Variants in HDAC4 observed in about 807,000 individuals in gnomAD.
HDAC4 encodes the protein histone deacetylase 4.
Under a neutral mutation model 135.1 loss-of-function variants are expected in HDAC4, and 16 were observed. The observed-to-expected ratio is 0.12, with a 90% CI of 0.08 to 0.18. The LOEUF (loss-of-function observed/expected upper bound fraction) is 0.18, where lower values mean the gene tolerates loss of function less well. Ranked by LOEUF, HDAC4 falls within the 10% of genes least tolerant of loss-of-function variation. HDAC4 has a pLI of 1.00. For synonymous variants in HDAC4, 685 were observed against 653.4 expected (o/e 1.05, Z -0.74); for missense variants, 1,143 against 1,511.8 (o/e 0.76, Z 4.05).
intron 3 of HDAC4, among the ~76,000 whole-genome samples, chr2:239,229,823 T>C (rs2047438194): frequency 6.6e-6 from 1 of 152,152 alleles, no homozygotes. Context: ...AGAGAATAGA[T>C]GGTAAATGTC....
intron 2 of HDAC4, among the ~76,000 whole-genome samples, chr2:239,237,972 T>C (rs574707597): frequency 6.6e-6 from 1 of 152,110 alleles, no homozygotes; most frequent in Non-Finnish European, 1.5e-5. Flanking sequence ...CTTCCCTGGG[T>C]CAGGAGAAAG....
In HDAC4 at chr2:239,144,754, C is replaced by CA. The variant is rs1293181585; in HGVS notation, c.734-41dup. The CA allele has an allele frequency of 1.9e-6, 3 of 1,607,614 alleles. No individual in the cohort carries two copies. In the South Asian group the frequency reaches 3.3e-5, roughly 18 times the overall value. On this transcript the variant is annotated intron_variant, in intron 7 of 26. Transcript: ENST00000543185. ...GATGTCATTACAGCCAGGCAGACACCACTGGCTCAAGGTTATCCTGTTGGT... is the reference window on the plus strand; with the variant it reads ...GATGTCATTACAGCCAGGCAGACACCAACTGGCTCAAGGTTATCCTGTTGGT...
At chr2:239,367,919 A>C (rs1258946518) in intron 1 of HDAC4, among the ~76,000 whole-genome samples, 4 of 152,020 alleles carry the variant, frequency 2.6e-5, no homozygotes, top group African/African-American at 7.3e-5. Context: ...CGGAGGTGGC[A>C]GTGAGCCGAG....
intron 3 of HDAC4, among the ~76,000 whole-genome samples, chr2:239,224,717 G>A (rs1275057969): frequency 6.6e-6 from 1 of 152,166 alleles, no homozygotes; most frequent in Admixed American, 6.5e-5. Flanking sequence ...CATATGCCAA[G>A]GGCAGGGGAT....
intron 24 of HDAC4, among the ~76,000 whole-genome samples, chr2:239,058,720 C>A (rs2106467508): frequency 6.6e-6 from 1 of 152,298 alleles, no homozygotes; most frequent in Non-Finnish European, 1.5e-5. Context: ...TTTAAAATGT[C>A]TAAGTAAAAA....
chr2:239,048,905 G>A lies in HDAC4; in HGVS notation c.*4192C>T, dbSNP rs988883136. 3.3e-5 allele frequency: 5 copies of A among 152,322 alleles called. No individual in the cohort carries two copies. The highest frequency in any genetic ancestry group is 1.3e-4 in the Admixed American group (2 of 15,306). The allele number at this position is 152,322 out of a possible 1,614,324, so 9.4% of individuals were successfully genotyped here. On this transcript the variant is annotated 3_prime_UTR_variant, in exon 27 of 27. Transcript: ENST00000543185. ...AAGTCAACACAGCTGTGCGGAAAAG[G>A]GGACTCTTTCGAGTCCGCCCAGTTC... is the stretch of plus-strand genomic sequence containing the variant.
intron 1 of HDAC4, among the ~76,000 whole-genome samples, chr2:239,387,978 C>T (rs1035994720): frequency 7.9e-5 from 12 of 152,302 alleles, no homozygotes; most frequent in African/African-American, 1.7e-4. Flanking sequence ...AGGTATCAGA[C>T]GGGAGGACGG....
chr2:239,068,447 A>G lies in HDAC4; in HGVS notation c.2869+42T>C, dbSNP rs1356791943. 1 of 1,384,398 alleles carries G rather than the reference A, an allele frequency of 7.2e-7. No individual in the cohort carries two copies. The allele number at this position is 1,384,398 out of a possible 1,614,324, so 85.8% of individuals were successfully genotyped here. ...ACGCGGAACACAGCGGATCATGGAC[A>G]TGAGCAGAACCGGCTCCTCAGTCAT... On this transcript the variant is annotated intron_variant, in intron 23 of 26. Transcript: ENST00000543185. The surrounding 1 kb of genome is among the most constrained non-coding windows in gnomAD (Gnocchi z 4.4).
At chr2:239,237,460 C>T (rs745491847) in intron 2 of HDAC4, among the ~76,000 whole-genome samples, 2 of 151,870 alleles carry the variant, frequency 1.3e-5, no homozygotes, top group East Asian at 1.9e-4. Flanking sequence ...GACTTGCACG[C>T]GGAGGTCATT....
intron 2 of HDAC4, among the ~76,000 whole-genome samples, chr2:239,296,632 T>G (rs2051911296): frequency 6.6e-6 from 1 of 152,164 alleles, no homozygotes; most frequent in African/African-American, 2.4e-5. Flanking sequence ...TTCTGGATCT[T>G]TTTCCTTGAA....
intron 2 of HDAC4, among the ~76,000 whole-genome samples, chr2:239,252,406 C>T (rs887879532): frequency 6.6e-6 from 1 of 152,178 alleles, no homozygotes; most frequent in African/African-American, 2.4e-5. Context: ...TGGCCCACGC[C>T]ACCATGGACA....
chr2:239,074,072 A>AGGGGGCCACAGGACTGAG (rs1161602213), intron 22 of HDAC4, among the ~76,000 whole-genome samples: 1 of 140,102 alleles, frequency 7.1e-6, no homozygotes, highest in African/African-American at 2.7e-5. Context: ...AGCAGGACTG[A>AGGGGGCCACAGGACTGAG]GGGGGCCACA....
At chr2:239,136,734 A>G (rs2040983474) in intron 9 of HDAC4, among the ~76,000 whole-genome samples, 1 of 152,220 alleles carries the variant, frequency 6.6e-6, no homozygotes. Flanking sequence ...AAGGATCTGA[A>G]GAGACATTTC....
At position 239,349,528 on chromosome 2, in the gene HDAC4, T is replaced by C. The variant is rs538040732; in HGVS notation, c.22+3150A>G. On this transcript the variant is annotated intron_variant, in intron 2 of 26. Coordinates refer to ENST00000543185, the MANE Select transcript of HDAC4 (RefSeq NM_001378414.1). This position sits in a 1 kb window ranked among gnomAD's most constrained non-coding sequence, Gnocchi z 5.7. ...GAAACACAGAGGAACTTCCCGAAAC[T>C]AGAGATCTCTGGGGATGGAGCTGCT... Among the ~76,000 whole-genome samples, 1 of 152,174 alleles carries C rather than the reference T, an allele frequency of 6.6e-6. No homozygotes were observed. The highest frequency in any genetic ancestry group is 1.9e-4 in the East Asian group (1 of 5,152).
chr2:239,355,813 C>A (rs1693456708), intron 1 of HDAC4, among the ~76,000 whole-genome samples: 1 of 152,188 alleles, frequency 6.6e-6, no homozygotes, highest in South Asian at 2.1e-4. Context: ...CACTTTAATA[C>A]TGGTCAATTA....
At chr2:239,258,281 T>C (rs2049156620) in intron 2 of HDAC4, among the ~76,000 whole-genome samples, 1 of 148,504 alleles carries the variant, frequency 6.7e-6, no homozygotes, top group South Asian at 2.2e-4. Flanking sequence ...CGAGACAGAA[T>C]GTGCAGGCAG....
chr2:239,113,676 A>T (rs1378447932), intron 13 of HDAC4, among the ~76,000 whole-genome samples: 3 of 152,186 alleles, frequency 2.0e-5, no homozygotes, highest in African/African-American at 7.2e-5. Context: ...CCCATTTCTT[A>T]TCAGCCTAAT....
At chr2:239,200,549 C>A (rs1187283071) in intron 3 of HDAC4, among the ~76,000 whole-genome samples, 1 of 152,110 alleles carries the variant, frequency 6.6e-6, no homozygotes, top group Non-Finnish European at 1.5e-5. Context: ...TGGATATATG[C>A]AATGCCAAAG....
chr2:239,392,218 A>G (rs1197330254), intron 1 of HDAC4, among the ~76,000 whole-genome samples: 3 of 152,210 alleles, frequency 2.0e-5, no homozygotes, highest in Non-Finnish European at 4.4e-5. Context: ...TGTGCTGCAC[A>G]CTCAGGGGCA....
Sources: gnomAD v4.1 joint callset for allele counts (sites outside exome capture counted in the v4.1 genomes callset) on GRCh38, gnomAD v4.1.1 for gene constraint, Gnocchi (gnomAD v3.1) non-coding constraint, MANE v1.5 for transcripts, NCBI Gene and HGNC (gene_info 2026-07-23, HGNC 2026-07-21) for gene names.